FBXW11: variants seen among roughly 807,000 people sequenced by gnomAD.
The protein encoded by FBXW11 is F-box and WD repeat domain containing 11, also known as F-box/WD repeat-containing protein 11.
In FBXW11, 19 loss-of-function variants were observed where a neutral mutation model predicts 77.6. The observed-to-expected ratio is 0.24, with a 90% CI of 0.17 to 0.36. The LOEUF is 0.36. Among genes scored for constraint, FBXW11 ranks in the 10% least tolerant of loss-of-function variants. FBXW11 has a pLI of 1.00. For missense variants in FBXW11, 334 were observed against 704.2 expected (o/e 0.47, Z 5.95); for synonymous variants, 235 against 249.4 (o/e 0.94, Z 0.54).
chr5:171,938,718 A>G (rs1469389686), intron 2 of FBXW11, among the ~76,000 whole-genome samples: 2 of 152,224 alleles, frequency 1.3e-5, no homozygotes, highest in African/African-American at 4.8e-5. Context: ...TTATTCAGTC[A>G]TTGTTTGTAA....
intron 13 of FBXW11, among the ~76,000 whole-genome samples, chr5:171,865,284 A>T (rs771348789): frequency 1.4e-3 from 196 of 141,086 alleles, no homozygotes; most frequent in African/African-American, 4.7e-3. Context: ...AAGTATAATT[A>T]AAAAAAAAAA....
intron 7 of FBXW11, among the ~76,000 whole-genome samples, chr5:171,884,410 T>C (rs1758737775): frequency 6.6e-6 from 1 of 152,184 alleles, no homozygotes; most frequent in Admixed American, 6.5e-5. Context: ...TCCCTATTTT[T>C]GTACCAGTAC....
chr5:171,951,557 A>G (rs1763316359), intron 2 of FBXW11, among the ~76,000 whole-genome samples: 1 of 102,568 alleles, frequency 9.7e-6, no homozygotes, highest in Admixed American at 1.3e-4. Flanking sequence ...AGAGAGAAAA[A>G]AAGTGGCTAT....
At position 171,905,949 on chromosome 5, in the gene FBXW11, C is replaced by T. The variant is rs73329817; in HGVS notation, c.436+4623G>A. On this transcript the variant is annotated intron_variant, in intron 4 of 13. Coordinates refer to ENST00000517395, the MANE Select transcript of FBXW11 (RefSeq NM_001378974.1). ...TCAGAAAATTGAGGCCATAATACTT[C>T]GCACACAGTGCTGAAGACATGCTGC... 9.9e-3 allele frequency among the ~76,000 whole-genome samples: 1,505 copies of T among 152,212 alleles called. 20 individuals are homozygous for T. Among genetic ancestry groups the T allele is most frequent in the African/African-American group, 0.034 (1,412 of 41,504 alleles).
chr5:171,950,798 G>C (rs1178774473), intron 2 of FBXW11, among the ~76,000 whole-genome samples: 1 of 152,080 alleles, frequency 6.6e-6, no homozygotes, highest in Non-Finnish European at 1.5e-5. Flanking sequence ...GAGGCAGGAG[G>C]ATCACTTGAA....
chr5:171,962,315 A>G (rs531632581), intron 1 of FBXW11, among the ~76,000 whole-genome samples: 63 of 152,336 alleles, frequency 4.1e-4, no homozygotes, highest in African/African-American at 1.3e-3. Context: ...GATACTTAAC[A>G]GAAGACTTTG....
At chr5:171,972,694 A>AC (rs1225553062) in intron 1 of FBXW11, among the ~76,000 whole-genome samples, 1 of 151,474 alleles carries the variant, frequency 6.6e-6, no homozygotes, top group Non-Finnish European at 1.5e-5. Flanking sequence ...ACAGGCGCCC[A>AC]CCACCACACC....
At chr5:171,946,672 C>T (rs1314562201) in intron 2 of FBXW11, among the ~76,000 whole-genome samples, 1 of 152,160 alleles carries the variant, frequency 6.6e-6, no homozygotes, top group African/African-American at 2.4e-5. Flanking sequence ...TCCCTCATTT[C>T]CTTCAAGTCT....
chr5:171,865,609 G>C (rs914388672), intron 13 of FBXW11, among the ~76,000 whole-genome samples: 5 of 152,174 alleles, frequency 3.3e-5, no homozygotes, highest in African/African-American at 9.7e-5. Flanking sequence ...AGCCTGAAAG[G>C]ATCTATAAAA....
chr5:171,937,550 T>C (rs1023756764), intron 2 of FBXW11, among the ~76,000 whole-genome samples: 1 of 151,998 alleles, frequency 6.6e-6, no homozygotes, highest in Non-Finnish European at 1.5e-5. Flanking sequence ...AAAAACGCAG[T>C]GGGGGCCGGA....
intron 9 of FBXW11, among the ~76,000 whole-genome samples, chr5:171,875,870 A>G (rs1758047058): frequency 6.6e-6 from 1 of 152,174 alleles, no homozygotes; most frequent in Non-Finnish European, 1.5e-5. Context: ...TAAAACATCT[A>G]AGCTCTGCCA....
chr5:171,915,776 C>T (rs1438747795), intron 2 of FBXW11, among the ~76,000 whole-genome samples: 4 of 152,002 alleles, frequency 2.6e-5, no homozygotes, highest in African/African-American at 7.3e-5. Context: ...CTTCACTCTC[C>T]GATTTGAAGA....
chr5:171,901,157 A>G (rs1760091469), intron 4 of FBXW11, among the ~76,000 whole-genome samples: 2 of 152,200 alleles, frequency 1.3e-5, no homozygotes, highest in Admixed American at 6.5e-5. Flanking sequence ...AATGGTAATC[A>G]CCAGTAACAA....
intron 1 of FBXW11, among the ~76,000 whole-genome samples, chr5:171,967,145 ATC>A (rs1764233693): frequency 6.6e-6 from 1 of 152,222 alleles, no homozygotes; most frequent in Non-Finnish European, 1.5e-5. Context: ...GATTGATACA[ATC>A]TCTGGTATGC....
intron 1 of FBXW11, among the ~76,000 whole-genome samples, chr5:171,962,244 C>T (rs1046488828): frequency 6.6e-6 from 1 of 152,166 alleles, no homozygotes; most frequent in Non-Finnish European, 1.5e-5. Context: ...CACTAAGCCT[C>T]TTTCCCCTTA....
intron 1 of FBXW11, among the ~76,000 whole-genome samples, chr5:171,989,492 C>A (rs1765620634): frequency 6.6e-6 from 1 of 152,210 alleles, no homozygotes; most frequent in East Asian, 1.9e-4. Context: ...AAATGTTTAA[C>A]CTGGATGCAT....
chr5:171,913,364 AAAGCTAAAGTGTG>A lies in FBXW11; in HGVS notation c.210+966_210+978del, dbSNP rs554304093. Among the ~76,000 whole-genome samples, 59 of 152,366 alleles carry A rather than the reference AAAGCTAAAGTGTG, an allele frequency of 3.9e-4. 3 individuals carry two copies. The South Asian group carries it at 0.011, about 28-fold the overall frequency. On this transcript the variant is annotated intron_variant, in intron 3 of 13. Coordinates refer to ENST00000517395, the MANE Select transcript of FBXW11 (RefSeq NM_001378974.1). ...TGAAAGATAAATGAAAGAAAAACTG[AAAGCTAAAGTGTG>A]AAGAACCACTGCCAATTGAAAAATC...
chr5:171,875,564 A>C (rs1758022996), intron 9 of FBXW11, among the ~76,000 whole-genome samples: 1 of 152,192 alleles, frequency 6.6e-6, no homozygotes, highest in Admixed American at 6.5e-5. Flanking sequence ...AGGCCACGGA[A>C]TTACACCCTT....
intron 2 of FBXW11, among the ~76,000 whole-genome samples, chr5:171,941,468 G>A (rs1337653002): frequency 6.6e-6 from 1 of 151,402 alleles, no homozygotes; most frequent in Non-Finnish European, 1.5e-5. Flanking sequence ...CTGCTATAAA[G>A]GAAATTATCA....
Sources: gnomAD v4.1 joint callset for allele counts (sites outside exome capture counted in the v4.1 genomes callset) on GRCh38, gnomAD v4.1.1 for gene constraint, MANE v1.5 for transcripts, NCBI Gene and HGNC (gene_info 2026-07-23, HGNC 2026-07-21) for gene names.